The following POU2F1 variants were observed in gnomAD, a reference collection of about 807,000 sequenced individuals.
The protein encoded by POU2F1 is POU domain, class 2, transcription factor 1.
POU2F1 carries 16 observed loss-of-function variants against 84.9 expected under a neutral mutation model. The observed-to-expected ratio is 0.19, with a 90% CI of 0.13 to 0.29. The LOEUF is 0.29. Ranked by LOEUF, POU2F1 falls within the 10% of genes least tolerant of loss-of-function variation. The probability of loss-of-function intolerance (pLI) is 1.00; values close to 1 mark genes in which losing one functional copy is unlikely to be tolerated. For missense variants in POU2F1, 738 were observed against 942.6 expected (o/e 0.78, Z 2.84); for synonymous variants, 368 against 368.3 (o/e 1.00, Z 0.01).
At chr1:167,374,661 T>C (rs1360470376) in intron 6 of POU2F1, among the ~76,000 whole-genome samples, 1 of 152,246 alleles carries the variant, frequency 6.6e-6, no homozygotes, top group Non-Finnish European at 1.5e-5. Flanking sequence ...TTGCCACCCA[T>C]GTGTGAGACA....
At chr1:167,318,189 G>A (rs1656054003) in intron 1 of POU2F1, among the ~76,000 whole-genome samples, 1 of 152,052 alleles carries the variant, frequency 6.6e-6, no homozygotes, top group African/African-American at 2.4e-5. Flanking sequence ...CCCAAATTTT[G>A]ATCTTATTAA....
chr1:167,265,373 G>A (rs1333209921), intron 1 of POU2F1, among the ~76,000 whole-genome samples: 3 of 152,210 alleles, frequency 2.0e-5, no homozygotes, highest in African/African-American at 2.4e-5. Flanking sequence ...CAAGTTTAGC[G>A]TTTCTTCTAT....
chr1:167,345,754 C>G (rs1658150552), intron 2 of POU2F1, among the ~76,000 whole-genome samples: 1 of 152,132 alleles, frequency 6.6e-6, no homozygotes, highest in Non-Finnish European at 1.5e-5. Context: ...TAAGGTCTGT[C>G]TTTCTGGTTT....
At chr1:167,246,527 A>G (rs1356464668) in intron 1 of POU2F1, among the ~76,000 whole-genome samples, 4 of 152,232 alleles carry the variant, frequency 2.6e-5, no homozygotes, top group Non-Finnish European at 5.9e-5. Flanking sequence ...GTGAACTTAG[A>G]AAATTGTTAG....
chr1:167,338,927 A>C (rs1167513863), intron 2 of POU2F1, among the ~76,000 whole-genome samples: 2 of 152,136 alleles, frequency 1.3e-5, no homozygotes, highest in Non-Finnish European at 2.9e-5. Flanking sequence ...TGGTTTATAT[A>C]CCTAGGAGTA....
intron 1 of POU2F1, among the ~76,000 whole-genome samples, chr1:167,221,783 C>T (rs1648215608): frequency 6.6e-6 from 1 of 151,384 alleles, no homozygotes; most frequent in South Asian, 2.1e-4. Context: ...TGGCCTGGGG[C>T]GGCGGGGGTG....
At chr1:167,395,689 T>C (rs1648759313) in intron 9 of POU2F1, among the ~76,000 whole-genome samples, 1 of 152,096 alleles carries the variant, frequency 6.6e-6, no homozygotes, top group Non-Finnish European at 1.5e-5. Context: ...GCTACCGCCT[T>C]GACCTCCTGG....
At position 167,358,716 on chromosome 1, in the gene POU2F1, C is replaced by CTTTTTTTTT. The variant is rs1197814755; in HGVS notation, c.128-6738_128-6730dup. 3.8e-3 allele frequency among the ~76,000 whole-genome samples: 147 copies of CTTTTTTTTT among 38,332 alleles called. 23 individuals are homozygous for CTTTTTTTTT. The highest frequency in any genetic ancestry group is 7.2e-3 in the African/African-American group (101 of 13,996). 25.1% of individuals were successfully genotyped at this position (38,332 alleles called of 152,430 possible). A position where few individuals can be genotyped will look rare whatever the true frequency, so the allele number is the denominator to read the frequency against. On this transcript the variant is annotated intron_variant, in intron 2 of 15. Transcript: ENST00000367866. ...TTCTTAATCTTTTTATTATCTGCAG[C>CTTTTTTTTT]TTTTTTTTTTTTTTTTTTTTTGAGA...
At chr1:167,329,476 T>A (rs1656936029) in intron 1 of POU2F1, among the ~76,000 whole-genome samples, 1 of 152,160 alleles carries the variant, frequency 6.6e-6, no homozygotes, top group Non-Finnish European at 1.5e-5. Context: ...CTTACTTGAA[T>A]TTGCAGTAGG....
intron 7 of POU2F1, among the ~76,000 whole-genome samples, chr1:167,378,672 C>T (rs548127686): frequency 2.0e-5 from 3 of 152,324 alleles, no homozygotes; most frequent in Admixed American, 1.3e-4. Context: ...TCCCAGAGTG[C>T]TGGGATTACA....
rs1054660569 is a variant in POU2F1, at chr1:167,278,856, G to C, written c.62-53614G>C. 8.5e-4 allele frequency among the ~76,000 whole-genome samples: 64 copies of C among 75,648 alleles called. 1 individual carries two copies. The highest frequency in any genetic ancestry group is 2.7e-4 in the Admixed American group (2 of 7,354). 49.6% of individuals were successfully genotyped at this position (75,648 alleles called of 152,430 possible). A position where few individuals can be genotyped will look rare whatever the true frequency, so the allele number is the denominator to read the frequency against. ...TTTAATAGAATTTATTTTAAATTTGGTTTTCAAGACCTATTTCACATGGGT... is the reference window on the plus strand; with the variant it reads ...TTTAATAGAATTTATTTTAAATTTGCTTTTCAAGACCTATTTCACATGGGT... On this transcript the variant is annotated intron_variant, in intron 1 of 15. Transcript: ENST00000367866.
At chr1:167,318,675 G>A (rs1008230100) in intron 1 of POU2F1, among the ~76,000 whole-genome samples, 6 of 152,192 alleles carry the variant, frequency 3.9e-5, no homozygotes, top group East Asian at 1.9e-4. Context: ...GATTGATAGC[G>A]AGGGGGTAGG....
At chr1:167,228,372 T>C (rs1648799552) in intron 1 of POU2F1, among the ~76,000 whole-genome samples, 2 of 152,204 alleles carry the variant, frequency 1.3e-5, no homozygotes, top group Non-Finnish European at 2.9e-5. Context: ...CTAATTACTG[T>C]AGGTGCTACT....
chr1:167,345,857 A>G (rs2101769669), intron 2 of POU2F1, among the ~76,000 whole-genome samples: 1 of 140,952 alleles, frequency 7.1e-6, no homozygotes, highest in East Asian at 2.2e-4. Context: ...TTATTTTTCT[A>G]CAATTAAGAA....
At chr1:167,360,316 G>T (rs1276428587) in intron 2 of POU2F1, among the ~76,000 whole-genome samples, 1 of 152,130 alleles carries the variant, frequency 6.6e-6, no homozygotes, top group Non-Finnish European at 1.5e-5. Flanking sequence ...TTCTTCTGGG[G>T]TTTTTACAGT....
chr1:167,252,769 A>C (rs1650827405), intron 1 of POU2F1, among the ~76,000 whole-genome samples: 1 of 152,244 alleles, frequency 6.6e-6, no homozygotes, highest in Non-Finnish European at 1.5e-5. Context: ...TATTTTAAGA[A>C]TACGTAACTG....
At chr1:167,302,519 G>C (rs746894271) in intron 1 of POU2F1, among the ~76,000 whole-genome samples, 3 of 152,048 alleles carry the variant, frequency 2.0e-5, no homozygotes, top group Non-Finnish European at 2.9e-5. Context: ...GGCCTCCCAA[G>C]GTACTAGGAT....
At chr1:167,255,054 GT>G (rs1651028679) in intron 1 of POU2F1, among the ~76,000 whole-genome samples, 1 of 152,156 alleles carries the variant, frequency 6.6e-6, no homozygotes, top group South Asian at 2.1e-4. Flanking sequence ...TTCTTGTTTG[GT>G]ATATTTGGTG....
intron 13 of POU2F1, among the ~76,000 whole-genome samples, chr1:167,404,595 C>T (rs1649440197): frequency 6.6e-6 from 1 of 152,114 alleles, no homozygotes; most frequent in Admixed American, 6.6e-5. Flanking sequence ...GACTTTGGTT[C>T]TGTTCATTTG....
Sources: gnomAD v4.1 joint callset for allele counts (sites outside exome capture counted in the v4.1 genomes callset) on GRCh38, gnomAD v4.1.1 for gene constraint, MANE v1.5 for transcripts, NCBI Gene and HGNC (gene_info 2026-07-23, HGNC 2026-07-21) for gene names.